COL21A1: variants seen among roughly 807,000 people sequenced by gnomAD.
The protein encoded by COL21A1 is collagen type XXI alpha 1 chain.
A neutral mutation model predicts 137.9 loss-of-function variants in COL21A1; 149 were observed. The ratio of observed to expected loss-of-function variants is 1.08; its 90% confidence interval spans 0.95 to 1.24. The LOEUF (loss-of-function observed/expected upper bound fraction) is 1.24. COL21A1 is among the 50% of genes most tolerant of loss of function. COL21A1 has a pLI of 0.00. For missense variants in COL21A1, 1,167 were observed against 1,158.4 expected, an observed-to-expected ratio of 1.01 and a Z score of -0.11; for synonymous variants, 456 against 391.5, an observed-to-expected ratio of 1.16 and a Z score of -1.95.
intron 1 of COL21A1, among the ~76,000 whole-genome samples, chr6:56,210,959 T>C (rs1253513163): frequency 2.8e-4 from 42 of 151,986 alleles, no homozygotes; most frequent in South Asian, 2.1e-4. Flanking sequence ...AAACTGAACA[T>C]GGACAGGACA....
At chr6:56,356,535 C>T (rs867737052) in intron 1 of COL21A1, among the ~76,000 whole-genome samples, 3 of 152,170 alleles carry the variant, frequency 2.0e-5, no homozygotes, top group African/African-American at 7.2e-5. Flanking sequence ...ATAATGACTG[C>T]CTTATGGAAT....
At chr6:56,106,898 T>G (rs1268950021) in intron 16 of COL21A1, among the ~76,000 whole-genome samples, 1 of 152,072 alleles carries the variant, frequency 6.6e-6, no homozygotes, top group Non-Finnish European at 1.5e-5. Flanking sequence ...GCCATTCTCC[T>G]GCCTCAGCCT....
intron 22 of COL21A1, 31 bp downstream of exon 22, chr6:56,069,015 A>G: frequency 6.7e-7 from 1 of 1,501,906 alleles, no homozygotes; most frequent in Non-Finnish European, 9.1e-7. Flanking sequence ...AACTGGTTAA[A>G]AGCGAACTGT....
chr6:56,072,147 A>G (rs571083482), intron 20 of COL21A1, among the ~76,000 whole-genome samples: 1 of 151,566 alleles, frequency 6.6e-6, no homozygotes, highest in Non-Finnish European at 1.5e-5. Context: ...GGCAAAGGAC[A>G]TGACCTCGTT....
At chr6:56,349,971 T>C (rs916732549) in intron 1 of COL21A1, among the ~76,000 whole-genome samples, 1 of 152,200 alleles carries the variant, frequency 6.6e-6, no homozygotes, top group Non-Finnish European at 1.5e-5. Context: ...GTTGGGATCC[T>C]GTCTGCATTC....
At chr6:56,225,147 A>G (rs1781106405) in intron 1 of COL21A1, among the ~76,000 whole-genome samples, 1 of 151,996 alleles carries the variant, frequency 6.6e-6, no homozygotes, top group Admixed American at 6.6e-5. Context: ...CAAATTTTAA[A>G]TTTTTCCCCA....
Position 56,275,746 on chromosome 6 carries a change from A to T in COL21A1, c.-38-93090T>A, listed in dbSNP as rs943391505. ...TGACAGATTCTGGCAATGCTATGGG[A>T]AAAGGGCATGCTTATACACTGTTGG... is the stretch of plus-strand genomic sequence containing the variant. On this transcript the variant is annotated intron_variant, in intron 1 of 28. Coordinates refer to the COL21A1 transcript ENST00000370819. Among the ~76,000 whole-genome samples, 6 of 152,196 alleles carry T rather than the reference A, an allele frequency of 3.9e-5. No homozygotes were observed. The East Asian group carries it at 1.2e-3, about 29-fold the overall frequency.
At chr6:56,260,389 C>G (rs1047045584) in intron 1 of COL21A1, among the ~76,000 whole-genome samples, 12 of 151,706 alleles carry the variant, frequency 7.9e-5, no homozygotes, top group Non-Finnish European at 1.3e-4. Context: ...TTGGGACCAG[C>G]CTGGCGAAAC....
intron 6 of COL21A1, among the ~76,000 whole-genome samples, 183 bp downstream of exon 6, chr6:56,167,941 C>T (rs1291190675): frequency 6.6e-6 from 1 of 152,042 alleles, no homozygotes; most frequent in Non-Finnish European, 1.5e-5. Flanking sequence ...AGATTAAGTC[C>T]AATTCTGCAT....
chr6:56,282,437 G>A (rs1431476493), intron 1 of COL21A1, among the ~76,000 whole-genome samples: 3 of 151,992 alleles, frequency 2.0e-5, no homozygotes, highest in Admixed American at 1.3e-4. Context: ...TACAGACAAA[G>A]GTACAAGGAC....
At chr6:56,337,506 CCACCAATCCAGGTTT>C (rs1765356169) in intron 1 of COL21A1, among the ~76,000 whole-genome samples, 1 of 152,230 alleles carries the variant, frequency 6.6e-6, no homozygotes, top group African/African-American at 2.4e-5. Flanking sequence ...TTATTCTCAA[CCACCAATCCAGGTTT>C]CTGGTTTAGG....
intron 8 of COL21A1, 25 bp downstream of exon 8, chr6:56,164,788 AG>A (rs1469700016): frequency 1.3e-6 from 2 of 1,559,504 alleles, no homozygotes; most frequent in Admixed American, 1.9e-5. Flanking sequence ...TATTACCTTA[AG>A]GGGAACAATA....
intron 1 of COL21A1, among the ~76,000 whole-genome samples, chr6:56,375,103 A>C (rs1399491914): frequency 6.6e-6 from 1 of 152,230 alleles, no homozygotes; most frequent in African/African-American, 2.4e-5. Flanking sequence ...GTTTGAAAGA[A>C]AAGTGAGAGA....
intron 13 of COL21A1, 148 bp from the exon 14 acceptor site, chr6:56,125,768 C>A: frequency 1.8e-6 from 1 of 570,190 alleles, no homozygotes; most frequent in Non-Finnish European, 2.9e-6. Flanking sequence ...CTTTAAAAGG[C>A]CCTCATTTCC....
chr6:56,201,311 A>C (rs981907223), intron 1 of COL21A1, among the ~76,000 whole-genome samples: 1 of 152,152 alleles, frequency 6.6e-6, no homozygotes, highest in African/African-American at 2.4e-5. Flanking sequence ...TAGTTTAATT[A>C]GATCCCATTT....
chr6:56,392,433 C>G (rs113119177), intron 1 of COL21A1, among the ~76,000 whole-genome samples: 5,458 of 152,120 alleles, frequency 0.036, 319 homozygotes, highest in African/African-American at 0.12. Flanking sequence ...AGATCTGGAA[C>G]AAGACAAGGA....
At chr6:56,129,588 C>T (rs891660252) in intron 12 of COL21A1, among the ~76,000 whole-genome samples, 1 of 151,776 alleles carries the variant, frequency 6.6e-6, no homozygotes, top group African/African-American at 2.4e-5. Flanking sequence ...TATTTTTTAG[C>T]TTATACTAAA....
intron 16 of COL21A1, 76 bp from the exon 17 acceptor site, chr6:56,101,601 T>A: frequency 1.0e-6 from 1 of 1,003,100 alleles, no homozygotes; most frequent in Non-Finnish European, 1.5e-6. Flanking sequence ...TATATAACAT[T>A]ACATATTAAA....
chr6:56,307,736 C>G (rs1764505449), intron 1 of COL21A1, among the ~76,000 whole-genome samples: 1 of 152,108 alleles, frequency 6.6e-6, no homozygotes, highest in Non-Finnish European at 1.5e-5. Flanking sequence ...GGTCCTGCAC[C>G]CGCTTTCCGA....
Sources: allele counts gnomAD v4.1 joint callset (sites outside exome capture counted in the v4.1 genomes callset), GRCh38; gene constraint gnomAD v4.1.1; transcripts MANE v1.5; gene names NCBI Gene and HGNC (gene_info 2026-07-23, HGNC 2026-07-21).